IGFL2: variants seen among roughly 807,000 people sequenced by gnomAD.
The protein encoded by IGFL2 is insulin growth factor-like family member 2.
IGFL2 carries 7 observed loss-of-function variants against 13.9 expected under a neutral mutation model. That is an observed-to-expected ratio of 0.51 (90% CI 0.29 to 0.95). The LOEUF is 0.95. Ranked by LOEUF, IGFL2 falls within the 40% of genes least tolerant of loss-of-function variation. The probability of loss-of-function intolerance (pLI) is 0.08; values close to 1 mark genes in which losing one functional copy is unlikely to be tolerated. For synonymous variants in IGFL2, 55 were observed against 55.8 expected, an observed-to-expected ratio of 0.99 and a Z score of 0.07; for missense variants, 138 against 147.8, an observed-to-expected ratio of 0.93 and a Z score of 0.34.
chr19:46,168,997 G>A, the IGFL2 span, among the ~76,000 whole-genome samples: 6 of 151,232 alleles, frequency 4.0e-5, no homozygotes, highest in African/African-American at 1.5e-4. Context: ...GTGTTTGTTT[G>A]CCCACTGGTT....
the IGFL2 span, among the ~76,000 whole-genome samples, chr19:46,082,629 A>ATT: frequency 0.014 from 1,996 of 142,300 alleles, 33 homozygotes; most frequent in Middle Eastern, 0.031. Context: ...CTGTGTCTCC[A>ATT]TTTTTTTTTT....
chr19:46,183,587 G>A, the IGFL2 span, among the ~76,000 whole-genome samples: 2 of 149,992 alleles, frequency 1.3e-5, no homozygotes, highest in African/African-American at 4.9e-5. Flanking sequence ...CCAGGCTGCA[G>A]TACAATGGGG....
chr19:46,155,940 A>G (rs760851790), intron 1 of IGFL2, among the ~76,000 whole-genome samples: 1 of 152,090 alleles, frequency 6.6e-6, no homozygotes, highest in Non-Finnish European at 1.5e-5. Flanking sequence ...AGTTTCTTCA[A>G]TATTGTATTG....
At chr19:46,185,690 G>A in the IGFL2 span, among the ~76,000 whole-genome samples, 1 of 152,212 alleles carries the variant, frequency 6.6e-6, no homozygotes. Context: ...AATACACCCA[G>A]TCTATACAGT....
the IGFL2 span, among the ~76,000 whole-genome samples, chr19:46,099,402 A>G: frequency 6.6e-5 from 10 of 151,654 alleles, no homozygotes; most frequent in East Asian, 1.8e-3. Context: ...TCTGGATGAT[A>G]GCCTGAAGTG....
At chr19:46,132,990 A>G in the IGFL2 span, among the ~76,000 whole-genome samples, 1 of 152,136 alleles carries the variant, frequency 6.6e-6, no homozygotes, top group Non-Finnish European at 1.5e-5. Flanking sequence ...GGAAGTGAAA[A>G]GGAGAGAAAG....
the IGFL2 span, chr19:46,189,776 A>G: frequency 6.6e-6 from 1 of 152,218 alleles, no homozygotes; most frequent in African/African-American, 2.4e-5. Context: ...AATAAAGAGT[A>G]ATTGCTACAG....
the IGFL2 span, among the ~76,000 whole-genome samples, chr19:46,187,094 C>T: frequency 6.6e-6 from 1 of 152,232 alleles, no homozygotes; most frequent in Non-Finnish European, 1.5e-5. Flanking sequence ...AGATGTCAGA[C>T]CTGCTGGTGG....
At position 46,161,099 on chromosome 19, in the gene IGFL2, A is replaced by G. The variant is rs181673780; in HGVS notation, c.*11A>G. ...AGACGTTTTCCCTGAGAAGACATAG[A>G]AAGAAAATCAACTTTCACTAAGGCA... On this transcript the variant is annotated 3_prime_UTR_variant, in exon 4 of 4. Coordinates refer to ENST00000377693, the MANE Select transcript of IGFL2 (RefSeq NM_001135113.2). 94 of 1,584,544 alleles carry G rather than the reference A, an allele frequency of 5.9e-5. No individual in the cohort carries two copies. The highest frequency in any genetic ancestry group is 7.7e-5 in the Non-Finnish European group (90 of 1,162,396).
the IGFL2 span, among the ~76,000 whole-genome samples, chr19:46,114,023 A>G: frequency 5.9e-5 from 9 of 152,322 alleles, no homozygotes; most frequent in Middle Eastern, 3.4e-3. Flanking sequence ...CTTTTCTACA[A>G]TAAACAGCCC....
At chr19:46,186,344 T>A in the IGFL2 span, among the ~76,000 whole-genome samples, 1 of 152,190 alleles carries the variant, frequency 6.6e-6, no homozygotes, top group African/African-American at 2.4e-5. Context: ...TAGAGGGTTT[T>A]CTCTGGCGCT....
the IGFL2 span, among the ~76,000 whole-genome samples, chr19:46,114,767 G>A: frequency 6.6e-6 from 1 of 152,148 alleles, no homozygotes; most frequent in Non-Finnish European, 1.5e-5. Context: ...CCAGCCAAGC[G>A]GAACTGTGAG....
At chr19:46,165,649 G>T (rs1036542116), downstream of IGFL2, among the ~76,000 whole-genome samples, 8 of 152,224 alleles carry the variant, frequency 5.3e-5, no homozygotes, top group Non-Finnish European at 1.2e-4. Context: ...ATGCAAGAGG[G>T]ACAGGGCCCG....
At chr19:46,082,989 G>A in the IGFL2 span, among the ~76,000 whole-genome samples, 2,030 of 152,206 alleles carry the variant, frequency 0.013, 52 homozygotes, top group African/African-American at 0.046. Context: ...TTCTCTTTTG[G>A]GGCATTTGGA....
At chr19:46,112,581 A>T in the IGFL2 span, among the ~76,000 whole-genome samples, 1 of 152,218 alleles carries the variant, frequency 6.6e-6, no homozygotes, top group Non-Finnish European at 1.5e-5. Flanking sequence ...ATAGATGAAC[A>T]CAAGCTGGGA....
chr19:46,086,575 C>T, the IGFL2 span, among the ~76,000 whole-genome samples: 16 of 152,310 alleles, frequency 1.1e-4, no homozygotes, highest in East Asian at 1.5e-3. Context: ...CTGCCTACTT[C>T]GGCCTCCCAA....
chr19:46,122,436 A>C, the IGFL2 span, among the ~76,000 whole-genome samples: 2 of 151,162 alleles, frequency 1.3e-5, no homozygotes, highest in Non-Finnish European at 2.9e-5. Flanking sequence ...AGGTGAAGTC[A>C]TTTCCTGAGC....
At chr19:46,079,774 A>C in the IGFL2 span, among the ~76,000 whole-genome samples, 373 of 152,336 alleles carry the variant, frequency 2.4e-3, 1 homozygote, top group African/African-American at 8.5e-3. Context: ...CATCAAAGGA[A>C]GCTCAGATGA....
At chr19:46,203,847 G>C in the IGFL2 span, among the ~76,000 whole-genome samples, 27 of 152,258 alleles carry the variant, frequency 1.8e-4, no homozygotes, top group Admixed American at 3.3e-4. Flanking sequence ...CTCCCGAGTA[G>C]CTGGGATTAC....
Sources: gnomAD v4.1 joint callset for allele counts (sites outside exome capture counted in the v4.1 genomes callset) on GRCh38, gnomAD v4.1.1 for gene constraint, MANE v1.5 for transcripts, NCBI Gene and HGNC (gene_info 2026-07-23, HGNC 2026-07-21) for gene names.